Variants in CCDC15 observed in about 807,000 individuals in gnomAD.
CCDC15 encodes the protein coiled-coil domain containing 15, also known as coiled-coil domain-containing protein 15.
A neutral mutation model predicts 114.5 loss-of-function variants in CCDC15; 105 were observed. The observed-to-expected ratio is 0.92, with a 90% CI of 0.78 to 1.08. The LOEUF (loss-of-function observed/expected upper bound fraction) is 1.08, where lower values mean the gene tolerates loss of function less well. CCDC15 is among the 50% of genes least tolerant of loss of function. The probability of loss-of-function intolerance (pLI) is 0.00; values close to 1 mark genes in which losing one functional copy is unlikely to be tolerated. For missense variants in CCDC15, 1,105 were observed against 1,093.6 expected (o/e 1.01, Z -0.15); for synonymous variants, 334 against 377.8 (o/e 0.88, Z 1.34).
rs1948458434 is a variant in CCDC15, at chr11:125,000,379, G to A, written c.2215-3488G>A. On this transcript the variant is annotated intron_variant, in intron 11 of 15. Coordinates refer to ENST00000344762, the MANE Select transcript of CCDC15 (RefSeq NM_025004.3). ...TCTGTCCCATACATGCACAATTCAA[G>A]GGGGATTCTGAGATATATGCCAGTT... Among the ~76,000 whole-genome samples the A allele has an allele frequency of 2.6e-5, 4 of 152,102 alleles. No homozygotes were observed. In the South Asian group the frequency reaches 8.3e-4, roughly 32 times the overall value.
intron 4 of CCDC15, 91 bp downstream of exon 4, chr11:124,960,094 A>G: frequency 2.1e-6 from 2 of 936,212 alleles, no homozygotes. Context: ...GGTAGGGATT[A>G]AGAGTTATCA....
intron 4 of CCDC15, among the ~76,000 whole-genome samples, chr11:124,970,400 A>T (rs911527553): frequency 1.3e-5 from 2 of 152,234 alleles, no homozygotes; most frequent in African/African-American, 4.8e-5. Flanking sequence ...TTCATGGGCT[A>T]TAAAAAGTGG....
At position 125,005,186 on chromosome 11, in the gene CCDC15, A is replaced by C; in HGVS notation, c.2385A>C (p.Gln795His). 1 of 1,530,452 alleles carries C rather than the reference A, an allele frequency of 6.5e-7. No individual in the cohort carries two copies. Among genetic ancestry groups the C allele is most frequent in the Non-Finnish European group, 8.9e-7 (1 of 1,119,064 alleles). 94.8% of individuals were successfully genotyped at this position (1,530,452 alleles called of 1,614,324 possible). A position where few individuals can be genotyped will look rare whatever the true frequency, so the allele number is the denominator to read the frequency against. Residue 795 changes from glutamine to histidine, a missense_variant, in exon 13 of 16, where the codon CAA becomes CAC. Gln to His is a conservative substitution (Grantham distance 24). Transcript: ENST00000344762. ...AACAAGTTAAAGAACAACAAAGGCA[A>C]AAAGAACAAAAGAAGAAAATTGAAA... The part of the protein sequence containing the change: ...EREQVKEQQR[Q>H]KEQKKKIEKI...
chr11:125,011,031 C>T (rs1053281208), intron 13 of CCDC15, among the ~76,000 whole-genome samples: 1 of 151,980 alleles, frequency 6.6e-6, no homozygotes, highest in Non-Finnish European at 1.5e-5. Context: ...TATCCCAGCA[C>T]CATTTATTGA....
chr11:125,034,995 A>G (rs1591615918), intron 13 of CCDC15, among the ~76,000 whole-genome samples: 1 of 152,282 alleles, frequency 6.6e-6, no homozygotes, highest in Middle Eastern at 3.4e-3. Context: ...AAAATAGGCC[A>G]TTTGCAAGCT....
intron 6 of CCDC15, among the ~76,000 whole-genome samples, chr11:124,979,654 A>T (rs555251634): frequency 1.3e-5 from 2 of 152,308 alleles, no homozygotes; most frequent in East Asian, 1.9e-4. Flanking sequence ...TTATCAGATC[A>T]TGGAGCTTTG....
At chr11:124,995,669 C>T (rs1472792380) in intron 11 of CCDC15, among the ~76,000 whole-genome samples, 1 of 152,100 alleles carries the variant, frequency 6.6e-6, no homozygotes, top group African/African-American at 2.4e-5. Context: ...AATTATGCAG[C>T]AGCATAATTA....
At chr11:125,027,716 G>A (rs542218994) in intron 13 of CCDC15, among the ~76,000 whole-genome samples, 7 of 151,574 alleles carry the variant, frequency 4.6e-5, no homozygotes, top group Admixed American at 1.3e-4. Flanking sequence ...TTCTTTTGCC[G>A]TGTAGAATCT....
rs186674598 is a variant in CCDC15, at chr11:124,974,043, C to T, written c.517-1053C>T. ...AGGCTGGAGTGCAGTGGCGCTATCTCGTCTCACTGCAGCCTCTGCCTCCTG... is the reference window on the plus strand; with the variant it reads ...AGGCTGGAGTGCAGTGGCGCTATCTTGTCTCACTGCAGCCTCTGCCTCCTG... On this transcript the variant is annotated intron_variant, in intron 4 of 15. Transcript: ENST00000344762. Among the ~76,000 whole-genome samples the T allele has an allele frequency of 2.5e-4, 38 of 152,172 alleles. No individual in the cohort carries two copies. In the East Asian group the frequency reaches 5.2e-3, roughly 21 times the overall value.
rs1242869778 is a variant in CCDC15 at position 124,993,256 on chromosome 11, C to T, written c.2214+13C>T. On this transcript the variant is annotated intron_variant, in intron 11 of 15. Transcript: ENST00000344762. ...TGGAGTGCCCTTGGTATGTTTCACA[C>T]AATATTCAAGATCTAGTCTCTTCTA... 6.6e-7 allele frequency: 1 copy of T among 1,520,700 alleles called. No individual in the cohort carries two copies. Among genetic ancestry groups the T allele is most frequent in the Non-Finnish European group, 9.1e-7 (1 of 1,100,734 alleles). The allele number at this position is 1,520,700 out of a possible 1,614,324, so 94.2% of individuals were successfully genotyped here. A position where few individuals can be genotyped will look rare whatever the true frequency, so the allele number is the denominator to read the frequency against.
chr11:124,991,062 A>G (rs776298055), intron 8 of CCDC15, among the ~76,000 whole-genome samples: 2 of 152,222 alleles, frequency 1.3e-5, no homozygotes, highest in Admixed American at 1.3e-4. Context: ...TTCTTAACGG[A>G]GCAATTGATA....
At chr11:125,031,951 G>A (rs1360517809) in intron 13 of CCDC15, among the ~76,000 whole-genome samples, 1 of 152,180 alleles carries the variant, frequency 6.6e-6, no homozygotes, top group Non-Finnish European at 1.5e-5. Flanking sequence ...TTTCGTGGTT[G>A]TAGGAGAGGC....
chr11:124,986,680 T>TGTGTGC, intron 6 of CCDC15, 62 bp from the exon 7 acceptor site: 1 of 1,389,646 alleles, frequency 7.2e-7, no homozygotes. Context: ...TGTGTGTGTG[T>TGTGTGC]GTGTGTGTGT....
In CCDC15 at chr11:125,039,079, T is replaced by A; in HGVS notation, c.2734+10T>A. 6.3e-7 allele frequency: 1 copy of A among 1,581,390 alleles called. No individual in the cohort carries two copies. The highest frequency in any genetic ancestry group is 8.6e-7 in the Non-Finnish European group (1 of 1,160,098). On this transcript the variant is annotated intron_variant, in intron 15 of 15. Coordinates refer to ENST00000344762, the MANE Select transcript of CCDC15 (RefSeq NM_025004.3). Reference sequence around the variant, plus strand: ...TATAAAAACCACAGAGGTAAGTTTCTTGAAGGAATAGTCAGGGCCTAATGG... The same window carrying A: ...TATAAAAACCACAGAGGTAAGTTTCATGAAGGAATAGTCAGGGCCTAATGG...
chr11:124,977,575 C>T lies in CCDC15; in HGVS notation c.728C>T (p.Pro243Leu). The T allele has an allele frequency of 6.2e-7, 1 of 1,606,896 alleles. No homozygotes were observed. The highest frequency in any genetic ancestry group is 8.5e-7 in the Non-Finnish European group (1 of 1,176,574). Reference sequence around the variant, plus strand: ...CATCAAGGTCTTTTAGCTGCTGTACCTTACCAGAATTATATGGAAAATCAG... The same window carrying T: ...CATCAAGGTCTTTTAGCTGCTGTACTTTACCAGAATTATATGGAAAATCAG... ...KVHQGLLAAV[P>L]YQNYMENQEL... The change falls in exon 6 of 16, where the codon CCT becomes CTT. Residue 243 changes from proline to leucine, a missense_variant. Pro to Leu is a moderately conservative substitution (Grantham distance 98). Transcript: ENST00000344762.
intron 9 of CCDC15, among the ~76,000 whole-genome samples, chr11:124,992,040 A>G (rs1037223187): frequency 3.3e-5 from 5 of 152,300 alleles, no homozygotes; most frequent in East Asian, 1.9e-4. Flanking sequence ...CCTAAGTCCT[A>G]TTAGAACAGA....
At chr11:124,989,494 A>G (rs957736761) in intron 8 of CCDC15, among the ~76,000 whole-genome samples, 2 of 152,240 alleles carry the variant, frequency 1.3e-5, no homozygotes, top group African/African-American at 2.4e-5. Flanking sequence ...GCCACTAACA[A>G]GAGAGTCAGC....
intron 13 of CCDC15, among the ~76,000 whole-genome samples, chr11:125,011,242 A>ATTT (rs558615124): frequency 0.15 from 22,192 of 143,358 alleles, 2,542 homozygotes; most frequent in African/African-American, 0.23. Flanking sequence ...TATTATTATT[A>ATTT]TTATTATTTT....
intron 13 of CCDC15, among the ~76,000 whole-genome samples, chr11:125,012,598 A>G (rs2135528614): frequency 6.6e-6 from 1 of 152,310 alleles, no homozygotes; most frequent in African/African-American, 2.4e-5. Flanking sequence ...GTTAGAGAAA[A>G]TATTACACTT....
Sources: allele counts gnomAD v4.1 joint callset (sites outside exome capture counted in the v4.1 genomes callset), GRCh38; gene constraint gnomAD v4.1.1; transcripts MANE v1.5; gene names NCBI Gene and HGNC (gene_info 2026-07-23, HGNC 2026-07-21).